The following MALT1 variants were observed in gnomAD, a reference collection of about 807,000 sequenced individuals.
MALT1 encodes MALT1 paracaspase, also known as mucosa-associated lymphoid tissue lymphoma translocation protein 1.
In MALT1, 36 loss-of-function variants were observed where a neutral mutation model predicts 85.5. The observed-to-expected ratio is 0.42, with a 90% CI of 0.32 to 0.56. The LOEUF (loss-of-function observed/expected upper bound fraction) is 0.56. Among genes scored for constraint, MALT1 ranks in the 20% least tolerant of loss-of-function variants. The pLI, the probability that MALT1 is intolerant of heterozygous loss-of-function variation, is 0.10. For synonymous variants in MALT1, 359 were observed against 361.3 expected, an observed-to-expected ratio of 0.99 and a Z score of 0.07; for missense variants, 716 against 981.6, an observed-to-expected ratio of 0.73 and a Z score of 3.62.
intron 3 of MALT1, among the ~76,000 whole-genome samples, chr18:58,698,062 GTTTT>G (rs1568132611): frequency 9.0e-6 from 1 of 110,940 alleles, no homozygotes; most frequent in African/African-American, 3.4e-5. Context: ...TTGTTGTTTT[GTTTT>G]GTTTTTTTGT....
intron 7 of MALT1, among the ~76,000 whole-genome samples, chr18:58,711,998 A>C (rs67802189): frequency 0.39 from 59,836 of 151,924 alleles, 14,408 homozygotes; most frequent in East Asian, 0.53. Context: ...TAATGTTGGA[A>C]ACCTCTTAAG....
At position 58,744,407 on chromosome 18, in the gene MALT1, T is replaced by G; in HGVS notation, c.1823T>G (p.Phe608Cys). ...ATTCAATTAGGATTTGCAGCTGAGT[T>G]TTCCAATGTCATGATCATCTATACA... ...VQIQLGFAAE[F>C]SNVMIIYTSI... is the part of the protein sequence containing the mutation. The change falls in exon 15 of 17, where the codon TTT becomes TGT. Residue 608 changes from phenylalanine to cysteine, a missense_variant. Physicochemically the swap from Phe to Cys is radical, Grantham distance 205. Coordinates refer to ENST00000649217, the MANE Select transcript of MALT1 (RefSeq NM_006785.4). The G allele has an allele frequency of 6.2e-7, 1 of 1,610,964 alleles. No homozygotes were observed. The highest frequency in any genetic ancestry group is 8.5e-7 in the Non-Finnish European group (1 of 1,177,864).
At chr18:58,678,736 T>A (rs903290072) in intron 1 of MALT1, among the ~76,000 whole-genome samples, 1 of 152,178 alleles carries the variant, frequency 6.6e-6, no homozygotes, top group Non-Finnish European at 1.5e-5. Context: ...AAGAAGAATG[T>A]GTGATAGAGA....
chr18:58,735,783 G>A (rs2055214199), intron 13 of MALT1, among the ~76,000 whole-genome samples: 1 of 152,092 alleles, frequency 6.6e-6, no homozygotes, highest in Non-Finnish European at 1.5e-5. Flanking sequence ...GAAAAGCTGA[G>A]TTCATTTTTT....
At chr18:58,688,536 CAAAAAAAAA>C (rs552838701) in intron 2 of MALT1, among the ~76,000 whole-genome samples, 158 of 61,402 alleles carry the variant, frequency 2.6e-3, no homozygotes, top group African/African-American at 2.8e-3. Context: ...CCTGTTTCTA[CAAAAAAAAA>C]AAAAAAAAAA....
intron 10 of MALT1, among the ~76,000 whole-genome samples, chr18:58,726,717 T>C (rs956658681): frequency 2.0e-5 from 3 of 152,252 alleles, no homozygotes; most frequent in Non-Finnish European, 4.4e-5. Context: ...TCTAGTTATG[T>C]TGTATAGATG....
In MALT1 at chr18:58,751,017, C is replaced by T. The variant is rs1355053938; in HGVS notation, c.*3175C>T. 4 of 152,162 alleles carry T rather than the reference C, an allele frequency of 2.6e-5. No individual in the cohort carries two copies. Among genetic ancestry groups the T allele is most frequent in the Non-Finnish European group, 5.9e-5 (4 of 68,038 alleles). The allele number at this position is 152,162 out of a possible 1,614,324, so 9.4% of individuals were successfully genotyped here. ...CATGCAGGTGCTCAGCTGTGGTTAC[C>T]ACCGAGCAGCACTGTCCAGTGAACT... On this transcript the variant is annotated 3_prime_UTR_variant, in exon 17 of 17. Coordinates refer to ENST00000649217, the MANE Select transcript of MALT1 (RefSeq NM_006785.4).
At chr18:58,731,771 G>T (rs538253507) in intron 10 of MALT1, among the ~76,000 whole-genome samples, 4 of 146,042 alleles carry the variant, frequency 2.7e-5, no homozygotes, top group Admixed American at 2.6e-4. Flanking sequence ...TAACATAAAC[G>T]TGTGAATCGT....
At position 58,687,860 on chromosome 18, in the gene MALT1, GTGT is replaced by G. The variant is rs553497641; in HGVS notation, c.376+6525_376+6527del. On this transcript the variant is annotated intron_variant, in intron 2 of 16. Transcript: ENST00000649217. ...AGCATGTACTTGTTTATCGGCATAT[GTGT>G]GTGTAGTTGAAAGCACGATCCTTGG... Among the ~76,000 whole-genome samples, 32 of 152,260 alleles carry G rather than the reference GTGT, an allele frequency of 2.1e-4. No homozygotes were observed. The South Asian group carries it at 5.8e-3, about 28-fold the overall frequency.
chr18:58,715,160 G>C (rs1002019730), intron 8 of MALT1, among the ~76,000 whole-genome samples: 5 of 152,098 alleles, frequency 3.3e-5, no homozygotes, highest in African/African-American at 1.2e-4. Flanking sequence ...GGGAGAATAG[G>C]GGGTCTGGAT....
rs767721108 is a variant in MALT1 at position 58,734,419 on chromosome 18, T to C, written c.1475+38T>C. On this transcript the variant is annotated intron_variant, in intron 12 of 16. Coordinates refer to ENST00000649217, the MANE Select transcript of MALT1 (RefSeq NM_006785.4). ...GATGTTTACGTTGAAGTTTCCTTTA[T>C]TGTTTGATGTCTTTTTGTTTTTGCT... 12 of 1,528,494 alleles carry C rather than the reference T, an allele frequency of 7.9e-6. No homozygotes were observed. The East Asian group carries it at 9.0e-5, about 11-fold the overall frequency. 94.7% of individuals were successfully genotyped at this position (1,528,494 alleles called of 1,614,324 possible).
chr18:58,735,482 C>T (rs933793767), intron 13 of MALT1, among the ~76,000 whole-genome samples, 153 bp downstream of exon 13: 7 of 152,230 alleles, frequency 4.6e-5, no homozygotes, highest in South Asian at 2.1e-4. Context: ...ATTAATATAA[C>T]GTTCAGCAAC....
chr18:58,697,450 TCTGA>T (rs1487384922), intron 3 of MALT1, among the ~76,000 whole-genome samples: 2 of 152,232 alleles, frequency 1.3e-5, no homozygotes, highest in East Asian at 1.9e-4. Context: ...GTGTTGGAAC[TCTGA>T]CTGCCATTAT....
chr18:58,676,970 T>A (rs73449357), intron 1 of MALT1, among the ~76,000 whole-genome samples: 4,589 of 152,304 alleles, frequency 0.03, 201 homozygotes, highest in African/African-American at 0.1. Flanking sequence ...TTATATATTT[T>A]TTTAAAGATA....
intron 2 of MALT1, among the ~76,000 whole-genome samples, chr18:58,683,306 T>C (rs1476346888): frequency 6.6e-6 from 1 of 152,250 alleles, no homozygotes; most frequent in East Asian, 1.9e-4. Context: ...ATATAACATG[T>C]ATTTCATTCT....
rs1292382867 is a variant in MALT1 at position 58,693,225 on chromosome 18, AG to A, written c.377-3140del. Reference sequence around the variant, plus strand: ...TGCTTGAGCTTAGGAGTTTGATACCAGCCTGGGCAACATGGTGAAACCCCGT... The same window carrying A: ...TGCTTGAGCTTAGGAGTTTGATACCACCTGGGCAACATGGTGAAACCCCGT... On this transcript the variant is annotated intron_variant, in intron 2 of 16. Coordinates refer to ENST00000649217, the MANE Select transcript of MALT1 (RefSeq NM_006785.4). Among the ~76,000 whole-genome samples, 34 of 152,294 alleles carry A rather than the reference AG, an allele frequency of 2.2e-4. No individual in the cohort carries two copies. In the East Asian group the frequency reaches 6.4e-3, roughly 29 times the overall value.
intron 9 of MALT1, among the ~76,000 whole-genome samples, chr18:58,719,275 G>T (rs1439953981): frequency 1.3e-5 from 2 of 148,732 alleles, no homozygotes; most frequent in African/African-American, 5.2e-5. Context: ...CACCTTAGTG[G>T]GGGTTGGTGA....
intron 3 of MALT1, among the ~76,000 whole-genome samples, chr18:58,699,282 G>T (rs2054638232): frequency 6.6e-6 from 1 of 152,198 alleles, no homozygotes; most frequent in African/African-American, 2.4e-5. Flanking sequence ...AAGAGAACTA[G>T]GATTACAGGA....
At chr18:58,701,970 C>T (rs2054678529) in intron 4 of MALT1, among the ~76,000 whole-genome samples, 1 of 152,114 alleles carries the variant, frequency 6.6e-6, no homozygotes, top group African/African-American at 2.4e-5. Context: ...GGAAATATTT[C>T]CATCAAAAAC....
Sources: allele counts gnomAD v4.1 joint callset (sites outside exome capture counted in the v4.1 genomes callset), GRCh38; gene constraint gnomAD v4.1.1; transcripts MANE v1.5; gene names NCBI Gene and HGNC (gene_info 2026-07-23, HGNC 2026-07-21).